Variants in CNTN5 observed in about 807,000 individuals in gnomAD.
CNTN5 encodes the protein contactin-5.
In CNTN5, 77 loss-of-function variants were observed where a neutral mutation model predicts 129.1. The observed-to-expected ratio is 0.60, with a 90% confidence interval of 0.50 to 0.72. The LOEUF (loss-of-function observed/expected upper bound fraction) is 0.72, where lower values mean the gene tolerates loss of function less well. Ranked by LOEUF, CNTN5 falls within the 30% of genes least tolerant of loss-of-function variation. CNTN5 has a pLI of 0.00. For synonymous variants in CNTN5, 509 were observed against 465.6 expected (o/e 1.09, Z -1.20); for missense variants, 1,478 against 1,328.8 (o/e 1.11, Z -1.75).
intron 1 of CNTN5, among the ~76,000 whole-genome samples, chr11:99,128,734 C>A (rs867202750): frequency 2.0e-5 from 3 of 152,136 alleles, no homozygotes; most frequent in African/African-American, 7.2e-5. Flanking sequence ...GGCATCAGGT[C>A]GGTGCCCCTC....
chr11:100,350,035 A>T (rs1247250889), intron 23 of CNTN5, among the ~76,000 whole-genome samples: 1 of 151,846 alleles, frequency 6.6e-6, no homozygotes, highest in African/African-American at 2.4e-5. Flanking sequence ...ACAGATGTCT[A>T]AAAAGCTTTA....
At chr11:99,296,558 T>C (rs767634606) in intron 1 of CNTN5, among the ~76,000 whole-genome samples, 71 of 152,206 alleles carry the variant, frequency 4.7e-4, no homozygotes, top group Non-Finnish European at 8.2e-4. Context: ...AAAATCTCTT[T>C]ATAAATATTT....
chr11:99,228,230 T>C (rs1860795000), intron 1 of CNTN5, among the ~76,000 whole-genome samples: 2 of 152,138 alleles, frequency 1.3e-5, no homozygotes, highest in African/African-American at 4.8e-5. Context: ...AAGTTCCTAA[T>C]GTGAACTTCC....
chr11:99,575,192 G>A (rs190670553), intron 3 of CNTN5, among the ~76,000 whole-genome samples: 14 of 152,232 alleles, frequency 9.2e-5, no homozygotes, highest in East Asian at 1.9e-4. Flanking sequence ...GGTGTTAGAC[G>A]TGTCTATATA....
intron 3 of CNTN5, among the ~76,000 whole-genome samples, chr11:99,771,980 AT>A (rs1468426282): frequency 3.3e-5 from 5 of 152,092 alleles, no homozygotes; most frequent in Admixed American, 6.6e-5. Context: ...CCTGAAAAAA[AT>A]GTCTCTAATA....
At chr11:99,632,201 GTAA>G (rs1951383134) in intron 3 of CNTN5, among the ~76,000 whole-genome samples, 1 of 150,272 alleles carries the variant, frequency 6.7e-6, no homozygotes, top group Non-Finnish European at 1.5e-5. Flanking sequence ...GTGCTAAAAT[GTAA>G]TAATGTACAA....
intron 13 of CNTN5, among the ~76,000 whole-genome samples, chr11:100,161,175 T>C (rs1234126721): frequency 6.6e-6 from 1 of 151,936 alleles, no homozygotes; most frequent in Admixed American, 6.6e-5. Context: ...AATACAATTT[T>C]CTTTACTGAA....
chr11:100,266,467 C>T (rs929931451), intron 17 of CNTN5, among the ~76,000 whole-genome samples: 4 of 151,992 alleles, frequency 2.6e-5, no homozygotes, highest in Non-Finnish European at 5.9e-5. Context: ...CCTTAATCTC[C>T]ATAATATTGC....
At chr11:100,308,315 G>A (rs1951401038) in intron 20 of CNTN5, 44 bp from the exon 21 acceptor site, 2 of 1,571,482 alleles carry the variant, frequency 1.3e-6, no homozygotes, top group Non-Finnish European at 1.7e-6. Flanking sequence ...ATACTTTGAT[G>A]GACATAAACT....
chr11:99,322,107 C>T (rs1282978500), intron 1 of CNTN5, among the ~76,000 whole-genome samples: 2 of 152,028 alleles, frequency 1.3e-5, no homozygotes, highest in African/African-American at 2.4e-5. Flanking sequence ...AACAGAATAC[C>T]GCAGACTGGT....
chr11:99,285,995 G>A (rs1211980746), intron 1 of CNTN5, among the ~76,000 whole-genome samples: 3 of 132,542 alleles, frequency 2.3e-5, no homozygotes, highest in South Asian at 2.6e-4. Flanking sequence ...GTGAGATTGC[G>A]CCACTGCACT....
intron 20 of CNTN5, among the ~76,000 whole-genome samples, chr11:100,303,695 T>G (rs1951283339): frequency 6.6e-6 from 1 of 151,638 alleles, no homozygotes; most frequent in African/African-American, 2.4e-5. Flanking sequence ...TAGACAATTA[T>G]CTCATTGCAA....
At chr11:99,906,631 T>G (rs1949513991) in intron 6 of CNTN5, among the ~76,000 whole-genome samples, 1 of 152,064 alleles carries the variant, frequency 6.6e-6, no homozygotes, top group Non-Finnish European at 1.5e-5. Flanking sequence ...CTCTACCAGG[T>G]TTTGGTATCA....
intron 1 of CNTN5, among the ~76,000 whole-genome samples, chr11:99,281,048 G>C (rs906474634): frequency 6.6e-6 from 1 of 151,530 alleles, no homozygotes; most frequent in African/African-American, 2.4e-5. Flanking sequence ...AACAACCAAG[G>C]ATTACAATTA....
rs4143853 is a variant in CNTN5 at position 99,641,429 on chromosome 11, C to G, written c.55+85160C>G. Among the ~76,000 whole-genome samples the G allele has an allele frequency of 6.7e-3, 1,019 of 151,984 alleles. 65 individuals carry two copies. In the East Asian group the frequency reaches 0.17, roughly 25 times the overall value. ...TTCCAATCCTCCTCCCGGCCTGGTT[C>G]TCAAAGGGAACAGGTAGAAGTTCTC... On this transcript the variant is annotated intron_variant, in intron 3 of 24. Transcript: ENST00000524871.
At chr11:99,204,642 C>G (rs1004163364) in intron 1 of CNTN5, among the ~76,000 whole-genome samples, 1 of 152,078 alleles carries the variant, frequency 6.6e-6, no homozygotes, top group Non-Finnish European at 1.5e-5. Context: ...GATCAGTGTG[C>G]AATGGAAGAG....
chr11:99,831,288 T>C (rs1342901514), intron 4 of CNTN5, among the ~76,000 whole-genome samples: 2 of 152,186 alleles, frequency 1.3e-5, no homozygotes, highest in Non-Finnish European at 2.9e-5. Context: ...TCCTCCTGGT[T>C]GTGGAAGTGT....
intron 1 of CNTN5, among the ~76,000 whole-genome samples, chr11:99,284,603 GTGTGTGTGTGTGTGT>G (rs1863843991): frequency 1.1e-3 from 1 of 936 alleles, no homozygotes; most frequent in South Asian, 0.056. Flanking sequence ...GATGAGTGGT[GTGTGTGTGTGTGTGT>G]GTGTGTGTGT....
At chr11:99,914,678 T>C (rs1244843249) in intron 6 of CNTN5, among the ~76,000 whole-genome samples, 1 of 152,110 alleles carries the variant, frequency 6.6e-6, no homozygotes, top group Non-Finnish European at 1.5e-5. Flanking sequence ...AGCTTAACTG[T>C]TTATAAAGAA....
Sources: allele counts gnomAD v4.1 joint callset (sites outside exome capture counted in the v4.1 genomes callset), GRCh38; gene constraint gnomAD v4.1.1; transcripts MANE v1.5; gene names NCBI Gene and HGNC (gene_info 2026-07-23, HGNC 2026-07-21).